Variants in CENPB observed in about 807,000 individuals in gnomAD.
The protein encoded by CENPB is centromere protein B, also known as major centromere autoantigen B.
In CENPB, 19 loss-of-function variants were observed where a neutral mutation model predicts 41.9. That is an observed-to-expected ratio of 0.45 (90% CI 0.32 to 0.67). CENPB has a LOEUF of 0.67. Ranked by LOEUF, CENPB falls within the 30% of genes least tolerant of loss-of-function variation. The pLI, the probability that CENPB is intolerant of heterozygous loss-of-function variation, is 0.04. For synonymous variants in CENPB, 399 were observed against 354.4 expected (o/e 1.13, Z -1.41); for missense variants, 614 against 816.2 (o/e 0.75, Z 3.02).
In CENPB at chr20:3,786,075, C is replaced by A; in HGVS notation, c.409G>T (p.Gly137Cys). The A allele has an allele frequency of 1.3e-6, 2 of 1,574,012 alleles. No homozygotes were observed. Among genetic ancestry groups the A allele is most frequent in the Non-Finnish European group, 1.7e-6 (2 of 1,168,764 alleles). ...TTTCGCGCGCGGGCGCGGGCCACGC[C>A]GCTGCAGGACACCACGCCGTGGCGC... ...RRRHGVVSCS[G>C]VARARARNAA... Residue 137 changes from glycine to cysteine, a missense_variant, in exon 1 of 1, where the codon GGC (glycine) becomes TGC (cysteine). This residue lies in a region of CENPB where 537 missense variants were observed against 629.4 expected (regional missense o/e 0.85). Coordinates refer to ENST00000379751, the MANE Select transcript of CENPB (RefSeq NM_001810.6).
In CENPB at chr20:3,785,566, G is replaced by C; in HGVS notation, c.918C>G (p.Thr306=). 8 of 1,600,590 alleles carry C rather than the reference G, an allele frequency of 5.0e-6. No homozygotes were observed. Among genetic ancestry groups the C allele is most frequent in the Non-Finnish European group, 6.8e-6 (8 of 1,174,074 alleles). Residue 306 remains threonine (T), a synonymous_variant, in exon 1 of 1, where the codon ACC becomes ACG. Transcript: ENST00000379751. ...AGRLAAQSLD[T]SGLRHVQLAF... Reference sequence around the variant, plus strand: ...CCAGCTGCACATGCCGCAGGCCCGAGGTGTCCAAGGACTGGGCAGCCAAGC... The same window carrying C: ...CCAGCTGCACATGCCGCAGGCCCGACGTGTCCAAGGACTGGGCAGCCAAGC...
At position 3,785,398 on chromosome 20, in the gene CENPB, C is replaced by G; in HGVS notation, c.1086G>C (p.Thr362=). The G allele has an allele frequency of 6.2e-7, 1 of 1,601,004 alleles. No homozygotes were observed. The highest frequency in any genetic ancestry group is 8.5e-7 in the Non-Finnish European group (1 of 1,174,476). The stretch of plus-strand genomic sequence containing the variant: ...CGGCAGCCACAAAGTGCAGGGCCTC[C>G]GTGAGACCCAGCTGCAGGCCTGAGG... The part of the protein sequence containing the change: ...QDPSGLQLGL[T]EALHFVAAAW... Residue 362 remains threonine (T), a synonymous_variant, in exon 1 of 1, where the codon ACG becomes ACC. Transcript: ENST00000379751.
In CENPB at chr20:3,785,171, TC is replaced by T. The variant is rs748211874; in HGVS notation, c.1312del (p.Glu438LysfsTer43). On this transcript the variant is annotated frameshift_variant, in exon 1 of 1. Transcript: ENST00000379751. LOFTEE classifies it high-confidence loss of function. ...EGEEEEEEGG[E>X]GEELGEEEEV... ...CTCTTCCTCCCCCAATTCCTCTCCT[TC>T]CCCCCCTTCCTCCTCCTCCTCCTCC... 5.5e-5 allele frequency: 51 copies of T among 924,328 alleles called. No homozygotes were observed. Among genetic ancestry groups the T allele is most frequent in the Non-Finnish European group, 6.7e-5 (45 of 667,138 alleles). The allele number at this position is 924,328 out of a possible 1,614,324, so 57.3% of individuals were successfully genotyped here.
Position 3,785,351 on chromosome 20 carries a change from G to T in CENPB, c.1133C>A (p.Ser378Ter). ...VAAAWQAVEP[S>*]DIAACFREAG... Reference sequence around the variant, plus strand: ...CTCACGAAAGCAGGCGGCTATGTCCGAAGGCTCCACTGCCTGCCAGGCGGC... The same window carrying T: ...CTCACGAAAGCAGGCGGCTATGTCCTAAGGCTCCACTGCCTGCCAGGCGGC... The change falls in exon 1 of 1, where the codon TCG becomes TAG. Residue 378 changes from serine (S) to a stop codon, truncating the protein, a stop_gained. Transcript: ENST00000379751. LOFTEE classifies it high-confidence loss of function. 6.2e-7 allele frequency: 1 copy of T among 1,602,062 alleles called. No individual in the cohort carries two copies.
rs1391687092 is a variant in CENPB at position 3,786,217 on chromosome 20, G to A, written c.267C>T (p.Arg89=). ...GLLIAWFQQI[R]AAGLPVKGII... ...TGCCCTTGACCGGCAGGCCGGCGGC[G>A]CGGATCTGCTGGAACCAGGCGATGA... is the stretch of plus-strand genomic sequence containing the variant. Residue 89 remains arginine (R), a synonymous_variant, in exon 1 of 1, where the codon CGC becomes CGT. Coordinates refer to ENST00000379751, the MANE Select transcript of CENPB (RefSeq NM_001810.6). The A allele has an allele frequency of 1.2e-6, 2 of 1,602,402 alleles. No individual in the cohort carries two copies. The highest frequency in any genetic ancestry group is 8.5e-7 in the Non-Finnish European group (1 of 1,179,356).
rs1407244321 is a variant in CENPB at position 3,786,418 on chromosome 20, C to A, written c.66G>T (p.Glu22Asp). 4 of 1,597,964 alleles carry A rather than the reference C, an allele frequency of 2.5e-6. 1 individual carries two copies. The South Asian group carries it at 4.4e-5, about 18-fold the overall frequency. Residue 22 changes from glutamate (E) to aspartate (D), a missense_variant, in exon 1 of 1, where the codon GAG becomes GAT. Coordinates refer to ENST00000379751, the MANE Select transcript of CENPB (RefSeq NM_001810.6). ...TCTCGCCCTTGCGCAGGTCCGGATTCTCCTCCACCTCCTGGATGATCCGTG... is the reference window on the plus strand; with the variant it reads ...TCTCGCCCTTGCGCAGGTCCGGATTATCCTCCACCTCCTGGATGATCCGTG... The part of the protein sequence containing the change: ...EKSRIIQEVE[E>D]NPDLRKGEIA...
rs2088827327 is a variant in CENPB, at chr20:3,786,541, GC to G, written c.-59del. 2.1e-6 allele frequency: 1 copy of G among 487,632 alleles called. No individual in the cohort carries two copies. The highest frequency in any genetic ancestry group is 2.6e-6 in the Non-Finnish European group (1 of 378,976). 30.2% of individuals were successfully genotyped at this position (487,632 alleles called of 1,614,324 possible). ...CGCCGCCGCCGCCCCGGGGCGGGGG[GC>G]CCGGGCCCGTGGCGGGGGGCACCTG... is the stretch of plus-strand genomic sequence containing the variant. On this transcript the variant is annotated 5_prime_UTR_variant, in exon 1 of 1. Coordinates refer to ENST00000379751, the MANE Select transcript of CENPB (RefSeq NM_001810.6).
In CENPB at chr20:3,784,972, C is replaced by T. The variant is rs145390334; in HGVS notation, c.1512G>A (p.Leu504=). 79 of 1,613,924 alleles carry T rather than the reference C, an allele frequency of 4.9e-5. No homozygotes were observed. Among genetic ancestry groups the T allele is most frequent in the Non-Finnish European group, 6.4e-5 (76 of 1,180,002 alleles). The change falls in exon 1 of 1, where the codon CTG becomes CTA. Residue 504 remains leucine (L), a synonymous_variant. Coordinates refer to ENST00000379751, the MANE Select transcript of CENPB (RefSeq NM_001810.6). The surrounding 1 kb of genome is among the most constrained non-coding windows in gnomAD (Gnocchi z 5.2). The part of the protein sequence containing the change: ...EEAQCPTLHF[L]EGGEDSDSDS... Reference sequence around the variant, plus strand: ...CTGAATCAGAGTCCTCCCCACCTTCCAGGAAATGCAGAGTAGGGCACTGGG... The same window carrying T: ...CTGAATCAGAGTCCTCCCCACCTTCTAGGAAATGCAGAGTAGGGCACTGGG...
In CENPB at chr20:3,785,474, T is replaced by G; in HGVS notation, c.1010A>C (p.Tyr337Ser). Residue 337 changes from tyrosine to serine, a missense_variant, in exon 1 of 1, where the codon TAC becomes TCC. Tyr to Ser is a moderately radical substitution (Grantham distance 144). Coordinates refer to ENST00000379751, the MANE Select transcript of CENPB (RefSeq NM_001810.6). ...RGVVQQVKGH[Y>S]RQAMLLKAMA... ...GGCCTTGAGCAGCATGGCCTGGCGGTAGTGGCCCTTCACCTGCTGGACCAC... is the reference window on the plus strand; with the variant it reads ...GGCCTTGAGCAGCATGGCCTGGCGGGAGTGGCCCTTCACCTGCTGGACCAC... The G allele has an allele frequency of 6.3e-7, 1 of 1,590,540 alleles. No individual in the cohort carries two copies. The highest frequency in any genetic ancestry group is 1.3e-5 in the African/African-American group (1 of 74,534).
At position 3,785,022 on chromosome 20, in the gene CENPB, C is replaced by T. The variant is rs199738908; in HGVS notation, c.1462G>A (p.Gly488Arg). 6.2e-6 allele frequency: 10 copies of T among 1,614,066 alleles called. 1 individual carries two copies. Among genetic ancestry groups the T allele is most frequent in the East Asian group, 2.2e-5 (1 of 44,868 alleles). Residue 488 changes from glycine (G) to arginine (R), a missense_variant, in exon 1 of 1, where the codon GGG (glycine) becomes AGG (arginine). Physicochemically the swap from Gly to Arg is moderately radical, Grantham distance 125. This residue lies in a region of CENPB where 537 missense variants were observed against 629.4 expected (regional missense o/e 0.85). Coordinates refer to ENST00000379751, the MANE Select transcript of CENPB (RefSeq NM_001810.6). ...GCTTCCTCCTGGGCACCATAAGCCC[C>T]GAAGCTGCCACCGGCCTCCACTACT... ...QGVVEAGGSFGAYGAQEEAQC... is the reference protein window; with the variant it reads ...QGVVEAGGSFRAYGAQEEAQC...
chr20:3,784,764 A>G lies in CENPB; in HGVS notation c.1720T>C (p.Leu574=), dbSNP rs767023117. ...GTCACATGAACCAGATCGTGTTCCA[A>G]GTGGAGGATGTGGCTCTGCACGCGG... ...DDRVQSHILH[L]EHDLVHVTRK... The change falls in exon 1 of 1, where the codon TTG becomes CTG. Residue 574 remains leucine (L), a synonymous_variant. Coordinates refer to ENST00000379751, the MANE Select transcript of CENPB (RefSeq NM_001810.6). The surrounding 1 kb of genome is among the most constrained non-coding windows in gnomAD (Gnocchi z 5.2). 4.3e-6 allele frequency: 7 copies of G among 1,614,124 alleles called. No individual in the cohort carries two copies. In the Admixed American group the frequency reaches 1.2e-4, roughly 27 times the overall value.
At position 3,785,143 on chromosome 20, in the gene CENPB, C is replaced by T; in HGVS notation, c.1341G>A (p.Glu447=). Residue 447 remains glutamate, a synonymous_variant, in exon 1 of 1, where the codon GAG becomes GAA. Coordinates refer to ENST00000379751, the MANE Select transcript of CENPB (RefSeq NM_001810.6). ...TATCAACATCACCCTCCTCCTCCAC[C>T]TCCTCTTCCTCCCCCAATTCCTCTC... ...GEGEELGEEE[E]VEEEGDVDSD... The T allele has an allele frequency of 1.9e-6, 3 of 1,584,424 alleles. No homozygotes were observed. Among genetic ancestry groups the T allele is most frequent in the Non-Finnish European group, 2.6e-6 (3 of 1,163,520 alleles).
Position 3,786,313 on chromosome 20 carries a change from G to C in CENPB, c.171C>G (p.Arg57=). The change falls in exon 1 of 1, where the codon CGC becomes CGG. Residue 57 remains arginine (R), a synonymous_variant. Coordinates refer to ENST00000379751, the MANE Select transcript of CENPB (RefSeq NM_001810.6). ...GGCAGGTGGAGGCCACCCCGTACTT[G>C]CGCTCCGACGCCAGGATGGCGCGCT... is the stretch of plus-strand genomic sequence containing the variant. ...KNKRAILASE[R]KYGVASTCRK... 6.2e-7 allele frequency: 1 copy of C among 1,607,386 alleles called. No individual in the cohort carries two copies. Among genetic ancestry groups the C allele is most frequent in the Non-Finnish European group, 8.5e-7 (1 of 1,179,744 alleles).
Position 3,784,976 on chromosome 20 carries a change from A to G in CENPB, c.1508T>C (p.Phe503Ser), listed in dbSNP as rs149144936. ...ATCAGAGTCCTCCCCACCTTCCAGG[A>G]AATGCAGAGTAGGGCACTGGGCTTC... Reference protein sequence around the residue: ...QEEAQCPTLHFLEGGEDSDSD... With the variant: ...QEEAQCPTLHSLEGGEDSDSD... Residue 503 changes from phenylalanine (F) to serine (S), a missense_variant, in exon 1 of 1, where the codon TTC becomes TCC. This residue lies in a region of CENPB where 537 missense variants were observed against 629.4 expected (regional missense o/e 0.85). Transcript: ENST00000379751. The surrounding 1 kb of genome is among the most constrained non-coding windows in gnomAD (Gnocchi z 5.2). 3 of 1,613,676 alleles carry G rather than the reference A, an allele frequency of 1.9e-6. No individual in the cohort carries two copies. Among genetic ancestry groups the G allele is most frequent in the Non-Finnish European group, 2.5e-6 (3 of 1,179,926 alleles).
chr20:3,786,678 C>CCGGGCGG lies in CENPB; in HGVS notation c.-202_-196dup, dbSNP rs1210893297. On this transcript the variant is annotated 5_prime_UTR_variant, in exon 1 of 1. Coordinates refer to ENST00000379751, the MANE Select transcript of CENPB (RefSeq NM_001810.6). Reference sequence around the variant, plus strand: ...TCCGGGGACGCCGGCGGGCGCGTCGCCGGGCGGCGGGCGGCAGGCGACGGG... The same window carrying CCGGGCGG: ...TCCGGGGACGCCGGCGGGCGCGTCGCCGGGCGGCGGGCGGCGGGCGGCAGGCGACGGG... 1 of 146,146 alleles carries CCGGGCGG rather than the reference C, an allele frequency of 6.8e-6. No homozygotes were observed. Among genetic ancestry groups the CCGGGCGG allele is most frequent in the Admixed American group, 6.8e-5 (1 of 14,676 alleles). The allele number at this position is 146,146 out of a possible 1,614,324, so 9.1% of individuals were successfully genotyped here.
rs756008400 is a variant in CENPB, at chr20:3,784,696, T to C, written c.1788A>G (p.Gly596=). ...TAGGTCCAGTGACTCAGCTTTGATG[T>C]CCAAGACCTCGAACTCCCGCCTGCC... ...HARQAGVRGL[G]HQS Residue 596 remains glycine (G), a synonymous_variant, in exon 1 of 1, where the codon GGA becomes GGG. Transcript: ENST00000379751. The surrounding 1 kb of genome is among the most constrained non-coding windows in gnomAD (Gnocchi z 5.2). 1 of 1,614,000 alleles carries C rather than the reference T, an allele frequency of 6.2e-7. No individual in the cohort carries two copies. Among genetic ancestry groups the C allele is most frequent in the Admixed American group, 1.7e-5 (1 of 60,004 alleles).
In CENPB at chr20:3,786,525, C is replaced by CGG. The variant is rs893886140; in HGVS notation, c.-43_-42insCC. 3 of 585,204 alleles carry CGG rather than the reference C, an allele frequency of 5.1e-6. No individual in the cohort carries two copies. The African/African-American group carries it at 6.3e-5, about 12-fold the overall frequency. 36.3% of individuals were successfully genotyped at this position (585,204 alleles called of 1,614,324 possible). A position where few individuals can be genotyped will look rare whatever the true frequency, so the allele number is the denominator to read the frequency against. On this transcript the variant is annotated 5_prime_UTR_variant, in exon 1 of 1. Transcript: ENST00000379751. ...CCCCGGGGCCCGGCGCCGCCGCCGC[C>CGG]GCCCCGGGGCGGGGGGCCCGGGCCC...
In CENPB at chr20:3,786,698, G is replaced by T. The variant is rs2088829518; in HGVS notation, c.-215C>A. On this transcript the variant is annotated 5_prime_UTR_variant, in exon 1 of 1. Coordinates refer to ENST00000379751, the MANE Select transcript of CENPB (RefSeq NM_001810.6). The stretch of plus-strand genomic sequence containing the variant: ...CGTCGCCGGGCGGCGGGCGGCAGGC[G>T]ACGGGCGCAGACGAGGGCGGGCGGC... 1.4e-5 allele frequency: 2 copies of T among 146,622 alleles called. No homozygotes were observed. The highest frequency in any genetic ancestry group is 1.8e-4 in the South Asian group (1 of 5,566). 9.1% of individuals were successfully genotyped at this position (146,622 alleles called of 1,614,324 possible). A position where few individuals can be genotyped will look rare whatever the true frequency, so the allele number is the denominator to read the frequency against.
chr20:3,785,693 T>C lies in CENPB; in HGVS notation c.791A>G (p.Asn264Ser), dbSNP rs2088816405. The change falls in exon 1 of 1, where the codon AAC becomes AGC. Residue 264 changes from asparagine (N) to serine (S), a missense_variant. Physicochemically the swap from Asn to Ser is conservative, Grantham distance 46. Transcript: ENST00000379751. Reference protein sequence around the residue: ...QAGLPCDYTANSKGGVTTQAL... With the variant: ...QAGLPCDYTASSKGGVTTQAL... ...CTGGGTGGTGACACCACCCTTGGAGTTGGCGGTGTAGTCGCAGGGCAGGCC... is the reference window on the plus strand; with the variant it reads ...CTGGGTGGTGACACCACCCTTGGAGCTGGCGGTGTAGTCGCAGGGCAGGCC... 1.2e-6 allele frequency: 2 copies of C among 1,609,018 alleles called. No homozygotes were observed. The highest frequency in any genetic ancestry group is 1.7e-6 in the Non-Finnish European group (2 of 1,177,770).
Sources: allele counts gnomAD v4.1 joint callset, GRCh38; gene constraint gnomAD v4.1.1; regional missense constraint gnomAD v4.1.1; non-coding constraint Gnocchi (gnomAD v3.1); transcripts MANE v1.5; gene names NCBI Gene and HGNC (gene_info 2026-07-23, HGNC 2026-07-21).